Variants in EPS15 observed in about 807,000 individuals in gnomAD.
EPS15 encodes epidermal growth factor receptor pathway substrate 15.
A neutral mutation model predicts 113.8 loss-of-function variants in EPS15; 72 were observed. The observed-to-expected ratio is 0.63, with a 90% CI of 0.52 to 0.77. The LOEUF (loss-of-function observed/expected upper bound fraction) is 0.77, where lower values mean the gene tolerates loss of function less well. Among genes scored for constraint, EPS15 ranks in the 30% least tolerant of loss-of-function variants. The pLI is 0.00. For missense variants in EPS15, 1,048 were observed against 1,045.8 expected (o/e 1.00, Z -0.03); for synonymous variants, 344 against 363.4 (o/e 0.95, Z 0.61).
chr1:51,468,977 A>C (rs1195496375), intron 4 of EPS15, among the ~76,000 whole-genome samples: 2 of 152,098 alleles, frequency 1.3e-5, no homozygotes, highest in African/African-American at 4.8e-5. Context: ...TAAAAACACA[A>C]AAATTAGCCA....
intron 21 of EPS15, among the ~76,000 whole-genome samples, chr1:51,368,124 T>C (rs1025569337): frequency 6.6e-6 from 1 of 152,056 alleles, no homozygotes; most frequent in Admixed American, 6.6e-5. Context: ...AGAGCAAGAC[T>C]CCGTCTCAAA....
At chr1:51,389,555 T>C (rs1647198795) in intron 21 of EPS15, among the ~76,000 whole-genome samples, 1 of 152,366 alleles carries the variant, frequency 6.6e-6, no homozygotes, top group African/African-American at 2.4e-5. Flanking sequence ...GACATGATTA[T>C]ATATCTAGAA....
chr1:51,358,699 G>GTTTTTTTTT lies in EPS15; in HGVS notation c.2545-1862_2545-1854dup, dbSNP rs1181151202. ...TTCAAGACTCCTTCCAACCAGATTT[G>GTTTTTTTTT]TTTTTTTTTGTTTTTTTTTTTTTTT... On this transcript the variant is annotated intron_variant, in intron 24 of 24. Transcript: ENST00000371733. Among the ~76,000 whole-genome samples, 77 of 129,332 alleles carry GTTTTTTTTT rather than the reference G, an allele frequency of 6.0e-4. 2 individuals carry two copies. Among genetic ancestry groups the GTTTTTTTTT allele is most frequent in the African/African-American group, 2.2e-3 (76 of 34,350 alleles). The allele number at this position is 129,332 out of a possible 152,430, so 84.8% of individuals were successfully genotyped here. A position where few individuals can be genotyped will look rare whatever the true frequency, so the allele number is the denominator to read the frequency against.
At chr1:51,447,248 T>C in intron 9 of EPS15, 143 bp from the exon 10 acceptor site, 1 of 657,956 alleles carries the variant, frequency 1.5e-6, no homozygotes. Flanking sequence ...CACTTCCATA[T>C]GACATCTCAA....
chr1:51,423,499 T>G, intron 12 of EPS15: 1 of 985,404 alleles, frequency 1.0e-6, no homozygotes, highest in Non-Finnish European at 1.2e-6. Flanking sequence ...ATGTTAGAGA[T>G]AAGTCACATG....
chr1:51,464,001 C>T (rs1374529570), intron 6 of EPS15, among the ~76,000 whole-genome samples: 1 of 152,160 alleles, frequency 6.6e-6, no homozygotes, highest in African/African-American at 2.4e-5. Flanking sequence ...TTCAAAGTGA[C>T]TTTACCCAAG....
chr1:51,421,232 T>C (rs1333823308), intron 13 of EPS15, among the ~76,000 whole-genome samples: 3 of 152,136 alleles, frequency 2.0e-5, no homozygotes. Context: ...CTAATGAAAA[T>C]GAACTAAAGC....
At chr1:51,391,904 A>G (rs754475685) in intron 21 of EPS15, among the ~76,000 whole-genome samples, 1 of 152,232 alleles carries the variant, frequency 6.6e-6, no homozygotes, top group East Asian at 1.9e-4. Context: ...TGCATTAGAT[A>G]TATCTATCAG....
At chr1:51,385,388 C>T (rs376742373) in intron 21 of EPS15, among the ~76,000 whole-genome samples, 1 of 152,124 alleles carries the variant, frequency 6.6e-6, no homozygotes, top group African/African-American at 2.4e-5. Context: ...CATTAGGATG[C>T]CTATAAAACA....
intron 12 of EPS15, among the ~76,000 whole-genome samples, chr1:51,435,449 C>T (rs1192878194): frequency 6.6e-6 from 1 of 152,178 alleles, no homozygotes; most frequent in Non-Finnish European, 1.5e-5. Context: ...ACGCTGCAGC[C>T]TCCCAAAGTG....
intron 13 of EPS15, among the ~76,000 whole-genome samples, chr1:51,416,536 T>G (rs1650236819): frequency 6.6e-6 from 1 of 152,178 alleles, no homozygotes; most frequent in South Asian, 2.1e-4. Flanking sequence ...AAAAGAAATT[T>G]CAAGGAAAAC....
intron 13 of EPS15, among the ~76,000 whole-genome samples, chr1:51,417,058 A>C (rs1449604081): frequency 6.6e-6 from 1 of 152,062 alleles, no homozygotes; most frequent in Non-Finnish European, 1.5e-5. Flanking sequence ...CCATTAACAG[A>C]CTGCCTTTAT....
intron 12 of EPS15, among the ~76,000 whole-genome samples, chr1:51,437,119 G>T (rs72696122): frequency 0.03 from 4,578 of 152,058 alleles, 76 homozygotes; most frequent in African/African-American, 0.05. Flanking sequence ...AAGGTATCTC[G>T]CACTTCAAGC....
At chr1:51,363,752 A>G in intron 23 of EPS15, 114 bp downstream of exon 23, 1 of 879,236 alleles carries the variant, frequency 1.1e-6, no homozygotes. Flanking sequence ...CAGGCTTCTG[A>G]CATATGTTTG....
intron 1 of EPS15, among the ~76,000 whole-genome samples, chr1:51,494,807 G>T (rs1318363907): frequency 6.6e-6 from 1 of 152,130 alleles, no homozygotes; most frequent in Non-Finnish European, 1.5e-5. Flanking sequence ...TTTTTATAAG[G>T]ATGCCAGTCA....
At chr1:51,489,117 T>C (rs998570617) in intron 1 of EPS15, among the ~76,000 whole-genome samples, 1 of 151,192 alleles carries the variant, frequency 6.6e-6, no homozygotes, top group Non-Finnish European at 1.5e-5. Context: ...TGATTTTGGT[T>C]TAAACCAATA....
intron 1 of EPS15, among the ~76,000 whole-genome samples, chr1:51,483,981 TG>T: frequency 6.6e-6 from 1 of 152,176 alleles, no homozygotes; most frequent in Admixed American, 6.5e-5. Flanking sequence ...CATAGTGGCA[TG>T]CATCTATAGT....
At chr1:51,487,323 CTT>C (rs756602962) in intron 1 of EPS15, among the ~76,000 whole-genome samples, 6 of 152,128 alleles carry the variant, frequency 3.9e-5, no homozygotes, top group South Asian at 2.1e-4. Context: ...ATGTTAAAAA[CTT>C]TGTTATAATG....
At chr1:51,358,112 T>A (rs900463224) in intron 24 of EPS15, among the ~76,000 whole-genome samples, 2 of 152,010 alleles carry the variant, frequency 1.3e-5, no homozygotes, top group Admixed American at 1.3e-4. Context: ...GTTCAAGAAG[T>A]TCATCTTGGC....
Sources: allele counts gnomAD v4.1 joint callset (sites outside exome capture counted in the v4.1 genomes callset), GRCh38; gene constraint gnomAD v4.1.1; transcripts MANE v1.5; gene names NCBI Gene and HGNC (gene_info 2026-07-23, HGNC 2026-07-21).